SPTBN4: variants seen among roughly 807,000 people sequenced by gnomAD.
The protein encoded by SPTBN4 is spectrin beta, non-erythrocytic 4.
SPTBN4 carries 96 observed loss-of-function variants against 277.8 expected under a neutral mutation model. The observed-to-expected ratio is 0.35, with a 90% CI of 0.29 to 0.41. The LOEUF (loss-of-function observed/expected upper bound fraction) is 0.41, where lower values mean the gene tolerates loss of function less well. Ranked by LOEUF, SPTBN4 falls within the 10% of genes least tolerant of loss-of-function variation. The pLI is 1.00. For synonymous variants in SPTBN4, 1,481 were observed against 1,580.3 expected (o/e 0.94, Z 1.49); for missense variants, 3,006 against 3,595.7 (o/e 0.84, Z 4.19).
chr19:40,568,386 A>C (rs1347254787), intron 31 of SPTBN4, 104 bp downstream of exon 31: 1 of 1,412,668 alleles, frequency 7.1e-7, no homozygotes, highest in Admixed American at 2.9e-5. Context: ...AGAACTTCCC[A>C]AAGAAGGAGA....
Position 40,560,091 on chromosome 19 carries a change from G to A in SPTBN4, c.5671-68G>A. 6.7e-7 allele frequency: 1 copy of A among 1,499,806 alleles called. No individual in the cohort carries two copies. The allele number at this position is 1,499,806 out of a possible 1,614,324, so 92.9% of individuals were successfully genotyped here. A position where few individuals can be genotyped will look rare whatever the true frequency, so the allele number is the denominator to read the frequency against. On this transcript the variant is annotated intron_variant, in intron 26 of 35. Transcript: ENST00000598249. This position sits in a 1 kb window ranked among gnomAD's most constrained non-coding sequence, Gnocchi z 5.2. The stretch of plus-strand genomic sequence containing the variant: ...TATCTTGAGGTTCTGCGCTGGAGCA[G>A]ATGGTGGGAGGGAGGGCACAGCCTG...
chr19:40,512,987 G>A lies in SPTBN4; in HGVS notation c.2198G>A (p.Gly733Asp). The A allele has an allele frequency of 2.1e-6, 3 of 1,419,966 alleles. No homozygotes were observed. Among genetic ancestry groups the A allele is most frequent in the Non-Finnish European group, 2.7e-6 (3 of 1,096,150 alleles). The allele number at this position is 1,419,966 out of a possible 1,614,324, so 88.0% of individuals were successfully genotyped here. A position where few individuals can be genotyped will look rare whatever the true frequency, so the allele number is the denominator to read the frequency against. ...CTGGTTGCGGCCGGCGGTGCCGTCG[G>A]CCCGGGAGCAGACACCGTGCACCTG... is the stretch of plus-strand genomic sequence containing the variant. The part of the protein sequence containing the change: ...EELVAAGGAV[G>D]PGADTVHLVG... The change falls in exon 14 of 36, where the codon GGC becomes GAC. Residue 733 changes from glycine to aspartate, a missense_variant. Gly to Asp is a moderately conservative substitution (Grantham distance 94, BLOSUM62 -1). This residue lies in a region of SPTBN4 where 1,759 missense variants were observed against 2,061.5 expected (regional missense o/e 0.85). Coordinates refer to ENST00000598249, the MANE Select transcript of SPTBN4 (RefSeq NM_020971.3).
intron 33 of SPTBN4, 71 bp downstream of exon 33, chr19:40,570,799 C>T: frequency 6.5e-7 from 1 of 1,533,622 alleles, no homozygotes; most frequent in Non-Finnish European, 8.8e-7. Flanking sequence ...AGCGGTGGGA[C>T]TGAGGAGGGG....
chr19:40,471,545 C>T (rs2079883949), intron 1 of SPTBN4, among the ~76,000 whole-genome samples: 1 of 152,182 alleles, frequency 6.6e-6, no homozygotes, highest in African/African-American at 2.4e-5. Flanking sequence ...TGTTTTATCA[C>T]ATCCTGTGAA....
chr19:40,529,742 G>T (rs62107057), intron 18 of SPTBN4, among the ~76,000 whole-genome samples: 20,358 of 152,086 alleles, frequency 0.13, 1,593 homozygotes, highest in Non-Finnish European at 0.18. Flanking sequence ...GGCCACATTA[G>T]AGATGGCCTA....
chr19:40,575,132 TC>T (rs1234950834), intron 35 of SPTBN4, among the ~76,000 whole-genome samples: 1 of 152,128 alleles, frequency 6.6e-6, no homozygotes, highest in African/African-American at 2.4e-5. Context: ...ATATCAGTGC[TC>T]TAGTAGTGCC....
rs771211249 is a variant in SPTBN4 at position 40,557,176 on chromosome 19, G to A, written c.5443G>A (p.Ala1815Thr). 4 of 1,611,116 alleles carry A rather than the reference G, an allele frequency of 2.5e-6. No individual in the cohort carries two copies. The highest frequency in any genetic ancestry group is 2.2e-5 in the South Asian group (2 of 90,912). ...MAEWKDGLNEAWAELLELMGT... is the reference protein window; with the variant it reads ...MAEWKDGLNETWAELLELMGT... ...CGAGTGGAAGGACGGACTGAACGAG[G>A]CCTGGGCTGAGCTGCTGGAGCTCAT... The change falls in exon 26 of 36, where the codon GCC becomes ACC. Residue 1815 changes from alanine (A) to threonine (T), a missense_variant. Around this residue, in one of 5 missense-constraint regions of SPTBN4, gnomAD observed 425 missense variants for 594.7 expected, o/e 0.71. Transcript: ENST00000598249.
intron 1 of SPTBN4, among the ~76,000 whole-genome samples, chr19:40,471,182 G>C (rs952250595): frequency 6.6e-6 from 1 of 151,926 alleles, no homozygotes; most frequent in Non-Finnish European, 1.5e-5. Context: ...CCTGACCTCA[G>C]GTGATCTACC....
intron 7 of SPTBN4, among the ~76,000 whole-genome samples, chr19:40,499,166 C>G (rs2080235924): frequency 6.6e-6 from 1 of 150,966 alleles, no homozygotes; most frequent in Non-Finnish European, 1.5e-5. Context: ...GTAACTGGGA[C>G]TACAGGTGCA....
intron 18 of SPTBN4, chr19:40,530,666 C>A: frequency 1.2e-6 from 1 of 819,350 alleles, no homozygotes; most frequent in Non-Finnish European, 1.5e-6. Context: ...CGGGCGCGTG[C>A]CCGCCCGTCG....
At chr19:40,575,339 G>A in intron 35 of SPTBN4, 72 bp from the exon 36 acceptor site, 1 of 1,514,522 alleles carries the variant, frequency 6.6e-7, no homozygotes, top group Non-Finnish European at 8.9e-7. Context: ...AGGGTAGTCT[G>A]ATCTGAAATT....
chr19:40,561,665 T>C (rs2081043593), intron 27 of SPTBN4, among the ~76,000 whole-genome samples: 1 of 151,554 alleles, frequency 6.6e-6, no homozygotes, highest in Admixed American at 6.6e-5. Context: ...CTACTAAAAA[T>C]ACAAAAATTA....
chr19:40,569,391 C>T (rs2081127389), intron 31 of SPTBN4, among the ~76,000 whole-genome samples: 1 of 148,174 alleles, frequency 6.7e-6, no homozygotes, highest in Non-Finnish European at 1.5e-5. Context: ...TGCACCACTA[C>T]ACTCCAGCCT....
intron 20 of SPTBN4, among the ~76,000 whole-genome samples, chr19:40,537,890 A>G (rs1872636376): frequency 6.6e-6 from 1 of 152,178 alleles, no homozygotes; most frequent in Non-Finnish European, 1.5e-5. Context: ...CCAGCCAGAA[A>G]CAGAAGCAGG....
intron 19 of SPTBN4, among the ~76,000 whole-genome samples, chr19:40,533,465 TC>T (rs1274666054): frequency 1.3e-5 from 2 of 151,936 alleles, no homozygotes; most frequent in Non-Finnish European, 2.9e-5. Flanking sequence ...CCTCAGAACT[TC>T]CCCCTCCTCT....
At chr19:40,470,796 C>T (rs1309421894) in intron 1 of SPTBN4, among the ~76,000 whole-genome samples, 2 of 151,472 alleles carry the variant, frequency 1.3e-5, no homozygotes, top group African/African-American at 2.4e-5. Flanking sequence ...CCACACCCAG[C>T]TAATTTTTGT....
At chr19:40,504,680 C>CA (rs1025719168) in intron 12 of SPTBN4, among the ~76,000 whole-genome samples, 131 of 139,916 alleles carry the variant, frequency 9.4e-4, no homozygotes, top group East Asian at 4.0e-3. Context: ...AAAAAAAAAA[C>CA]AAAAAAAACA....
At position 40,519,539 on chromosome 19, in the gene SPTBN4, C is replaced by T. The variant is rs763246780; in HGVS notation, c.3042C>T (p.Pro1014=). 6.9e-6 allele frequency: 11 copies of T among 1,584,820 alleles called. No individual in the cohort carries two copies. The highest frequency in any genetic ancestry group is 8.6e-6 in the Non-Finnish European group (10 of 1,168,856). The change falls in exon 16 of 36, where the codon CCC becomes CCT. Residue 1014 remains proline, a synonymous_variant. Coordinates refer to ENST00000598249, the MANE Select transcript of SPTBN4 (RefSeq NM_020971.3). The surrounding 1 kb of genome is among the most constrained non-coding windows in gnomAD (Gnocchi z 5.7). ...REKRRAVESA[P]RAGGALQWRL... ...AGCGGAGAGCTGTGGAGAGCGCGCC[C>T]CGGGCCGGCGGCGCCCTGCAGTGGC...
chr19:40,501,824 G>A, intron 7 of SPTBN4, 97 bp from the exon 8 acceptor site: 1 of 972,532 alleles, frequency 1.0e-6, no homozygotes, highest in African/African-American at 1.6e-5. Flanking sequence ...AGGTCACACA[G>A]CTAGTGAGAG....
Sources: gnomAD v4.1 joint callset for allele counts (sites outside exome capture counted in the v4.1 genomes callset) on GRCh38, gnomAD v4.1.1 for gene constraint, gnomAD v4.1.1 regional missense constraint, Gnocchi (gnomAD v3.1) non-coding constraint, MANE v1.5 for transcripts, NCBI Gene and HGNC (gene_info 2026-07-23, HGNC 2026-07-21) for gene names.